ROBO2: variants seen among roughly 807,000 people sequenced by gnomAD.
ROBO2 encodes roundabout guidance receptor 2, also known as roundabout homolog 2.
ROBO2 carries 53 observed loss-of-function variants against 160.8 expected under a neutral mutation model. That is an observed-to-expected ratio of 0.33 (90% confidence interval 0.26 to 0.41). ROBO2 has a LOEUF of 0.41. Among genes scored for constraint, ROBO2 ranks in the 10% least tolerant of loss-of-function variants. ROBO2 has a pLI of 1.00. For synonymous variants in ROBO2, 664 were observed against 611.7 expected, an observed-to-expected ratio of 1.09 and a Z score of -1.26; for missense variants, 1,577 against 1,722.4, an observed-to-expected ratio of 0.92 and a Z score of 1.49.
chr3:75,935,239 A>G (rs1947717429), intron 1 of ROBO2, among the ~76,000 whole-genome samples: 1 of 152,208 alleles, frequency 6.6e-6, no homozygotes, highest in Non-Finnish European at 1.5e-5. Context: ...AAGAAATCAA[A>G]AAACACAAGG....
rs555066458 is a variant in ROBO2, at chr3:76,195,000, A to G, written c.109+257398A>G. ...AGTAGTTCATTAATATTTGAGTTCAATCTATTATCAGTTTGTCAGTTTTTT... is the reference window on the plus strand; with the variant it reads ...AGTAGTTCATTAATATTTGAGTTCAGTCTATTATCAGTTTGTCAGTTTTTT... On this transcript the variant is annotated intron_variant, in intron 2 of 26. Coordinates refer to the ROBO2 transcript ENST00000487694. 1.1e-4 allele frequency among the ~76,000 whole-genome samples: 16 copies of G among 152,174 alleles called. No individual in the cohort carries two copies. The South Asian group carries it at 2.1e-3, about 20-fold the overall frequency.
intron 2 of ROBO2, among the ~76,000 whole-genome samples, chr3:76,043,620 CAAAAA>C (rs56988287): frequency 1.0e-4 from 4 of 38,448 alleles, no homozygotes; most frequent in South Asian, 1.5e-3. Context: ...CTTCATCGTC[CAAAAA>C]AAAAAAAAAA....
At chr3:76,954,620 T>C (rs1459687994) in intron 2 of ROBO2, among the ~76,000 whole-genome samples, 2 of 152,350 alleles carry the variant, frequency 1.3e-5, no homozygotes, top group African/African-American at 4.8e-5. Context: ...AAGGGCATGT[T>C]ATTCTGGCTT....
intron 2 of ROBO2, among the ~76,000 whole-genome samples, chr3:76,000,605 C>A (rs2065858370): frequency 6.6e-6 from 1 of 151,366 alleles, no homozygotes; most frequent in Non-Finnish European, 1.5e-5. Flanking sequence ...TCTCCTGCCT[C>A]AGCCTCCCGA....
At chr3:76,396,891 A>G (rs946092041) in intron 2 of ROBO2, among the ~76,000 whole-genome samples, 1 of 152,176 alleles carries the variant, frequency 6.6e-6, no homozygotes, top group Non-Finnish European at 1.5e-5. Context: ...GGAAATGGCC[A>G]TACTGCCCAA....
chr3:76,543,977 A>G (rs2082953510), intron 2 of ROBO2, among the ~76,000 whole-genome samples: 1 of 151,964 alleles, frequency 6.6e-6, no homozygotes, highest in Non-Finnish European at 1.5e-5. Flanking sequence ...ATCTGAATAC[A>G]TGCTCTTCAT....
intron 2 of ROBO2, among the ~76,000 whole-genome samples, chr3:77,465,004 C>T (rs917932880): frequency 2.6e-5 from 4 of 151,700 alleles, no homozygotes; most frequent in Admixed American, 1.3e-4. Flanking sequence ...AAAAATTATC[C>T]CATTTGCCAA....
In ROBO2 at chr3:76,562,467, A is replaced by G. The variant is rs898436421; in HGVS notation, c.110-535547A>G. Among the ~76,000 whole-genome samples the G allele has an allele frequency of 3.5e-5, 5 of 143,664 alleles. No homozygotes were observed. The East Asian group carries it at 1.1e-3, about 31-fold the overall frequency. The allele number at this position is 143,664 out of a possible 152,430, so 94.2% of individuals were successfully genotyped here. ...TCTCTCTCTCTCTCTCTCTCTCTCA[A>G]CCTTTTCCATTCTTTTCATTGTGTC... is the stretch of plus-strand genomic sequence containing the variant. On this transcript the variant is annotated intron_variant, in intron 2 of 26. Transcript: ENST00000487694.
intron 2 of ROBO2, among the ~76,000 whole-genome samples, chr3:76,122,286 C>A (rs2070782973): frequency 1.3e-5 from 2 of 151,796 alleles, no homozygotes; most frequent in Admixed American, 1.3e-4. Flanking sequence ...TCAAATTTAA[C>A]CAAATGTAAA....
intron 6 of ROBO2, among the ~76,000 whole-genome samples, chr3:77,535,869 A>C (rs1031857740): frequency 1.3e-5 from 2 of 152,192 alleles, no homozygotes; most frequent in African/African-American, 4.8e-5. Flanking sequence ...CCACAGTTAC[A>C]TGATTTCCTA....
chr3:76,083,102 C>A (rs1314743454), intron 2 of ROBO2, among the ~76,000 whole-genome samples: 1 of 151,974 alleles, frequency 6.6e-6, no homozygotes, highest in Non-Finnish European at 1.5e-5. Flanking sequence ...AATATGAACA[C>A]CTTTGGGAAG....
In ROBO2 at chr3:76,413,858, C is replaced by A. The variant is rs575048518; in HGVS notation, c.109+476256C>A. ...ATTTTTGGGTATCTTTTCAGCAATGCCCCACTCTACTGGTACCAATTTACT... is the reference window on the plus strand; with the variant it reads ...ATTTTTGGGTATCTTTTCAGCAATGACCCACTCTACTGGTACCAATTTACT... On this transcript the variant is annotated intron_variant, in intron 2 of 26. Transcript: ENST00000487694. Among the ~76,000 whole-genome samples the A allele has an allele frequency of 2.6e-5, 4 of 152,276 alleles. No individual in the cohort carries two copies. The South Asian group carries it at 8.3e-4, about 32-fold the overall frequency.
chr3:76,757,315 A>T lies in ROBO2; in HGVS notation c.110-340699A>T, dbSNP rs2061030398. On this transcript the variant is annotated intron_variant, in intron 2 of 26. Transcript: ENST00000487694. ...AAATGCAATTACATGATACCCAGAGATACTGAACTTTTAGGTTGTACATCC... is the reference window on the plus strand; with the variant it reads ...AAATGCAATTACATGATACCCAGAGTTACTGAACTTTTAGGTTGTACATCC... Among the ~76,000 whole-genome samples the T allele has an allele frequency of 2.0e-5, 3 of 151,920 alleles. No individual in the cohort carries two copies. The South Asian group carries it at 6.2e-4, about 32-fold the overall frequency.
chr3:77,469,123 A>G (rs1224751586), intron 2 of ROBO2, among the ~76,000 whole-genome samples: 1 of 152,230 alleles, frequency 6.6e-6, no homozygotes, highest in African/African-American at 2.4e-5. Flanking sequence ...AAAACTTCAG[A>G]AAAATACAGA....
At chr3:76,562,799 T>C (rs2084278766) in intron 2 of ROBO2, among the ~76,000 whole-genome samples, 2 of 152,344 alleles carry the variant, frequency 1.3e-5, no homozygotes, top group Non-Finnish European at 2.9e-5. Context: ...TTTATTCTTT[T>C]TCTGTGATGA....
At chr3:77,073,772 G>T (rs1431774329) in intron 1 of ROBO2, among the ~76,000 whole-genome samples, 1 of 151,982 alleles carries the variant, frequency 6.6e-6, no homozygotes, top group Non-Finnish European at 1.5e-5. Context: ...TTTCTTTCTG[G>T]GGACTGCACA....
Position 76,746,844 on chromosome 3 carries a change from C to T in ROBO2, c.110-351170C>T, listed in dbSNP as rs148868658. ...TGACAAGCCCCAGTGTTTGTTGTTA[C>T]GCTCCCTGTGTCCATATGATCTTAT... On this transcript the variant is annotated intron_variant, in intron 2 of 26. Coordinates refer to the ROBO2 transcript ENST00000487694. Among the ~76,000 whole-genome samples the T allele has an allele frequency of 6.6e-3, 1,001 of 152,138 alleles. 6 individuals are homozygous for T. Among genetic ancestry groups the T allele is most frequent in the Middle Eastern group, 0.024 (7 of 294 alleles).
chr3:77,260,244 T>C (rs2058690349), intron 2 of ROBO2, among the ~76,000 whole-genome samples: 1 of 152,118 alleles, frequency 6.6e-6, no homozygotes, highest in African/African-American at 2.4e-5. Flanking sequence ...ACTTTTTCAA[T>C]TTACTGAATA....
chr3:76,711,447 C>T (rs1267618888), intron 2 of ROBO2, among the ~76,000 whole-genome samples: 2 of 152,184 alleles, frequency 1.3e-5, no homozygotes, highest in Non-Finnish European at 2.9e-5. Context: ...ACCGTACCAA[C>T]TACGTTCATT....
Sources: gnomAD v4.1 joint callset for allele counts (sites outside exome capture counted in the v4.1 genomes callset) on GRCh38, gnomAD v4.1.1 for gene constraint, MANE v1.5 for transcripts, NCBI Gene and HGNC (gene_info 2026-07-23, HGNC 2026-07-21) for gene names.